The following TNNI3K variants were observed in gnomAD, a reference collection of about 807,000 sequenced individuals.
TNNI3K encodes the protein serine/threonine-protein kinase TNNI3K.
Under a neutral mutation model 114.5 loss-of-function variants are expected in TNNI3K, and 140 were observed. The ratio of observed to expected loss-of-function variants is 1.22; its 90% confidence interval spans 1.07 to 1.41. The LOEUF is 1.41. Among genes scored for constraint, TNNI3K ranks in the 40% most tolerant of loss-of-function variants. TNNI3K has a pLI of 0.00. For synonymous variants in TNNI3K, 347 were observed against 347.5 expected (o/e 1.00, Z 0.02); for missense variants, 1,125 against 1,007.6 (o/e 1.12, Z -1.58).
intron 21 of TNNI3K, chr1:74,471,812 T>C (rs915447592): frequency 2.3e-6 from 1 of 432,364 alleles, no homozygotes; most frequent in Non-Finnish European, 4.1e-6. Context: ...TTAATTTGGA[T>C]TTGCTCTTTC....
At chr1:74,369,310 C>A (rs1375165565) in intron 15 of TNNI3K, 46 bp downstream of exon 15, 2 of 1,606,908 alleles carry the variant, frequency 1.2e-6, no homozygotes, top group Non-Finnish European at 1.7e-6. Context: ...GGAATTGTGA[C>A]CTTTGAGAAG....
At chr1:74,442,173 GT>G (rs906675884) in intron 20 of TNNI3K, among the ~76,000 whole-genome samples, 1 of 150,794 alleles carries the variant, frequency 6.6e-6, no homozygotes, top group Non-Finnish European at 1.5e-5. Context: ...TTATTCCTTT[GT>G]TTTTTTTAAT....
At position 74,469,977 on chromosome 1, in the gene TNNI3K, A is replaced by G. The variant is rs74781416; in HGVS notation, c.2121+6427A>G. ...TTTCAGCTTCATTTATTCTGCTAGG[A>G]ACTAAAAACACCTCATTTTCTGCCT... On this transcript the variant is annotated intron_variant, in intron 21 of 24. Transcript: ENST00000326637. 1,106 of 400,670 alleles carry G rather than the reference A, an allele frequency of 2.8e-3. 6 individuals carry two copies. The highest frequency in any genetic ancestry group is 0.02 in the African/African-American group (995 of 48,822). The allele number at this position is 400,670 out of a possible 1,614,324, so 24.8% of individuals were successfully genotyped here.
At chr1:74,382,278 A>T (rs2100550654) in intron 17 of TNNI3K, among the ~76,000 whole-genome samples, 1 of 152,326 alleles carries the variant, frequency 6.6e-6, no homozygotes, top group African/African-American at 2.4e-5. Flanking sequence ...TTTCTGATTT[A>T]CAAAATGGAA....
chr1:74,544,080 C>G lies in TNNI3K; in HGVS notation c.*98C>G. 1 of 1,318,118 alleles carries G rather than the reference C, an allele frequency of 7.6e-7. No homozygotes were observed. Among genetic ancestry groups the G allele is most frequent in the East Asian group, 2.6e-5 (1 of 39,156 alleles). 81.7% of individuals were successfully genotyped at this position (1,318,118 alleles called of 1,614,324 possible). ...GCTTCCAACTATAACATTTTACTCT[C>G]AAAGGTCTCCTTAAATTGGGCTTGT... On this transcript the variant is annotated 3_prime_UTR_variant, in exon 25 of 25. Transcript: ENST00000326637.
intron 9 of TNNI3K, among the ~76,000 whole-genome samples, chr1:74,344,291 C>CT (rs1441282851): frequency 3.0e-4 from 45 of 152,240 alleles, no homozygotes; most frequent in African/African-American, 1.1e-3. Context: ...TCATGTAATC[C>CT]TTACAACATT....
intron 5 of TNNI3K, among the ~76,000 whole-genome samples, chr1:74,298,714 C>T (rs1023234500): frequency 4.6e-5 from 7 of 152,134 alleles, no homozygotes; most frequent in African/African-American, 1.7e-4. Context: ...AATATACTTC[C>T]CTGCCTTATG....
chr1:74,306,476 C>T (rs960432671), intron 5 of TNNI3K, among the ~76,000 whole-genome samples: 2 of 152,222 alleles, frequency 1.3e-5, no homozygotes, highest in African/African-American at 4.8e-5. Flanking sequence ...AGGGGCTGAA[C>T]TAATTTACAT....
Position 74,492,079 on chromosome 1 carries a change from T to C in TNNI3K, c.2182-18T>C, listed in dbSNP as rs1255182041. 3 of 1,492,590 alleles carry C rather than the reference T, an allele frequency of 2.0e-6. No individual in the cohort carries two copies. Among genetic ancestry groups the C allele is most frequent in the Non-Finnish European group, 2.7e-6 (3 of 1,105,322 alleles). The allele number at this position is 1,492,590 out of a possible 1,614,324, so 92.5% of individuals were successfully genotyped here. A position where few individuals can be genotyped will look rare whatever the true frequency, so the allele number is the denominator to read the frequency against. ...GTTGGAAGTATTAAACAATTGAAAT[T>C]GCCCCTCCTCCACTCAGCTGATGTC... On this transcript the variant is annotated intron_variant, in intron 22 of 24. Coordinates refer to ENST00000326637, the MANE Select transcript of TNNI3K (RefSeq NM_015978.3).
intron 23 of TNNI3K, among the ~76,000 whole-genome samples, chr1:74,538,181 G>GT (rs1431038602): frequency 4.6e-5 from 7 of 152,104 alleles, no homozygotes; most frequent in African/African-American, 1.7e-4. Context: ...GCAAAATTCA[G>GT]TTTTTTAGTC....
intron 17 of TNNI3K, among the ~76,000 whole-genome samples, chr1:74,434,867 T>C (rs1666054833): frequency 2.6e-5 from 4 of 152,078 alleles, no homozygotes; most frequent in African/African-American, 9.7e-5. Flanking sequence ...AGTTCAAAAG[T>C]AACTTTTTTA....
chr1:74,454,043 C>A (rs558603840), intron 20 of TNNI3K, among the ~76,000 whole-genome samples: 1 of 151,968 alleles, frequency 6.6e-6, no homozygotes, highest in Non-Finnish European at 1.5e-5. Context: ...CCTATCTATA[C>A]CTTAGTTTAT....
intron 23 of TNNI3K, among the ~76,000 whole-genome samples, chr1:74,498,939 C>T (rs767708759): frequency 8.5e-5 from 13 of 152,150 alleles, no homozygotes; most frequent in Non-Finnish European, 1.3e-4. Flanking sequence ...ATTAATATGA[C>T]GCTTATTTTA....
chr1:74,440,980 C>T (rs1666352731), intron 20 of TNNI3K, among the ~76,000 whole-genome samples: 1 of 152,056 alleles, frequency 6.6e-6, no homozygotes, highest in Non-Finnish European at 1.5e-5. Flanking sequence ...GTTTATTTTA[C>T]CTTCTAATAC....
At chr1:74,339,149 G>A (rs3765663) in intron 7 of TNNI3K, among the ~76,000 whole-genome samples, 12,173 of 152,072 alleles carry the variant, frequency 0.08, 729 homozygotes, top group African/African-American at 0.16. Context: ...AGTGCAAAAG[G>A]CATTGAAATG....
chr1:74,387,112 G>A (rs923164670), intron 17 of TNNI3K, among the ~76,000 whole-genome samples: 4 of 152,118 alleles, frequency 2.6e-5, no homozygotes, highest in South Asian at 2.1e-4. Context: ...AGCTGTAATT[G>A]TATAATTTCC....
chr1:74,541,025 G>T (rs1646721134), intron 24 of TNNI3K, among the ~76,000 whole-genome samples: 1 of 152,178 alleles, frequency 6.6e-6, no homozygotes, highest in African/African-American at 2.4e-5. Context: ...CTTTAAGCCT[G>T]AGAGGCACTA....
In TNNI3K at chr1:74,250,735, A is replaced by C; in HGVS notation, c.299A>C (p.Asn100Thr). 1 of 1,613,140 alleles carries C rather than the reference A, an allele frequency of 6.2e-7. No individual in the cohort carries two copies. The highest frequency in any genetic ancestry group is 8.5e-7 in the Non-Finnish European group (1 of 1,179,586). ...KGLRPSRLTR[N>T]GFTALHLAVY... ...CTCCGCCCATCTCGACTGACAAGAA[A>C]TGGATTTACAGCCTTGCATTTAGCA... is the stretch of plus-strand genomic sequence containing the variant. Residue 100 changes from asparagine (N) to threonine (T), a missense_variant, in exon 4 of 25, where the codon AAT becomes ACT. Transcript: ENST00000326637.
At chr1:74,410,679 A>G (rs955106063) in intron 17 of TNNI3K, among the ~76,000 whole-genome samples, 1 of 152,210 alleles carries the variant, frequency 6.6e-6, no homozygotes, top group Non-Finnish European at 1.5e-5. Flanking sequence ...GAATTTTTTT[A>G]AAGCCTGGTA....
Sources: allele counts gnomAD v4.1 joint callset (sites outside exome capture counted in the v4.1 genomes callset), GRCh38; gene constraint gnomAD v4.1.1; transcripts MANE v1.5; gene names NCBI Gene and HGNC (gene_info 2026-07-23, HGNC 2026-07-21).